Variants in XPC observed in about 807,000 individuals in gnomAD.
XPC encodes the protein XPC complex subunit, DNA damage recognition and repair factor.
Under a neutral mutation model 95.8 loss-of-function variants are expected in XPC, and 76 were observed. The observed-to-expected ratio is 0.79, with a 90% CI of 0.66 to 0.96. The LOEUF is 0.96. Ranked by LOEUF, XPC falls within the 40% of genes least tolerant of loss-of-function variation. XPC has a pLI of 0.00. For synonymous variants in XPC, 442 were observed against 442.1 expected, an observed-to-expected ratio of 1.00 and a Z score of 0.00; for missense variants, 1,146 against 1,179.8, an observed-to-expected ratio of 0.97 and a Z score of 0.42.
intron 7 of XPC, among the ~76,000 whole-genome samples, chr3:14,161,451 TG>T (rs1448153769): frequency 6.6e-6 from 1 of 151,322 alleles, no homozygotes; most frequent in Non-Finnish European, 1.5e-5. Context: ...ATTGAACATA[TG>T]AAAAGGCTTA....
chr3:14,147,397 G>A lies in XPC; in HGVS notation c.2515-18C>T. 6.3e-7 allele frequency: 1 copy of A among 1,591,862 alleles called. No homozygotes were observed. The highest frequency in any genetic ancestry group is 8.6e-7 in the Non-Finnish European group (1 of 1,168,978). On this transcript the variant is annotated intron_variant, in intron 14 of 15. Coordinates refer to ENST00000285021, the MANE Select transcript of XPC (RefSeq NM_004628.5). ...TCCTTTTTCTGCAGGCAAAAATGAA[G>A]TGGGAGAAAAGTGTTAAGCACTGAC...
rs1696675526 is a variant in XPC, at chr3:14,173,018, T to C, written c.148A>G (p.Lys50Glu). The C allele has an allele frequency of 1.2e-6, 2 of 1,609,226 alleles. No individual in the cohort carries two copies. The highest frequency in any genetic ancestry group is 1.7e-6 in the Non-Finnish European group (2 of 1,177,916). Residue 50 changes from lysine to glutamate, a missense_variant, in exon 2 of 16, where the codon AAA becomes GAA. Transcript: ENST00000285021. ...EKPPKKSLLS[K>E]VSQGKRKRGC... The stretch of plus-strand genomic sequence containing the variant: ...CTTTTCCTCTTTCCTTGTGAAACTT[T>C]GGAGAGAAGGCTCTTCTTTGGGGGT...
intron 7 of XPC, among the ~76,000 whole-genome samples, chr3:14,163,461 A>C (rs1031973116): frequency 6.6e-6 from 1 of 152,232 alleles, no homozygotes; most frequent in African/African-American, 2.4e-5. Flanking sequence ...ATGCAGATGA[A>C]TCTTGAAAAC....
intron 3 of XPC, among the ~76,000 whole-genome samples, chr3:14,168,642 T>C: frequency 6.6e-6 from 1 of 151,900 alleles, no homozygotes; most frequent in Admixed American, 6.6e-5. Context: ...ATAGAGATAC[T>C]GGGTTGAATC....
At position 14,175,302 on chromosome 3, in the gene XPC, C is replaced by A. The variant is rs368755503; in HGVS notation, c.104-2240G>T. ...AAAGGCCTTCCCTGACACTGATTCC[C>A]ATTTAGCTGCCTCTCCCCCAGCCCC... On this transcript the variant is annotated intron_variant, in intron 1 of 15. Coordinates refer to ENST00000285021, the MANE Select transcript of XPC (RefSeq NM_004628.5). Among the ~76,000 whole-genome samples, 5 of 152,156 alleles carry A rather than the reference C, an allele frequency of 3.3e-5. 1 individual carries two copies. In the East Asian group the frequency reaches 5.8e-4, roughly 18 times the overall value.
Position 14,146,038 on chromosome 3 carries a change from T to C in XPC, c.2726A>G (p.Glu909Gly), listed in dbSNP as rs749460684. The C allele has an allele frequency of 2.5e-6, 4 of 1,612,702 alleles. No individual in the cohort carries two copies. The highest frequency in any genetic ancestry group is 3.4e-6 in the Non-Finnish European group (4 of 1,179,398). Residue 909 changes from glutamate (E) to glycine (G), a missense_variant, in exon 16 of 16, where the codon GAA becomes GGA. Transcript: ENST00000285021. ...ILAASWPQNR[E>G]DEEKQKLKGG... ...CTTCAGCTTCTGCTTTTCTTCATCT[T>C]CTCGGTTTTGAGGCCAGGAGGCAGC...
chr3:14,152,488 AGC>A (rs1347856350), intron 10 of XPC, 72 bp from the exon 11 acceptor site: 1 of 1,433,532 alleles, frequency 7.0e-7, no homozygotes, highest in African/African-American at 1.4e-5. Flanking sequence ...GACAGTGGAG[AGC>A]GCAGCCCTGC....
chr3:14,174,805 T>A (rs1244066514), intron 1 of XPC, among the ~76,000 whole-genome samples: 1 of 152,180 alleles, frequency 6.6e-6, no homozygotes, highest in African/African-American at 2.4e-5. Context: ...AGACCACTAT[T>A]TCATGGTGGC....
At chr3:14,163,050 C>A (rs1192574086) in intron 7 of XPC, among the ~76,000 whole-genome samples, 2 of 152,176 alleles carry the variant, frequency 1.3e-5, no homozygotes, top group East Asian at 3.8e-4. Context: ...GCTATCAAAA[C>A]CACAATGAGG....
rs1267285449 is a variant in XPC, at chr3:14,158,940, C to G, written c.991-48G>C. ...GCTTTTTTTTCTCCCCCCTCTTTTG[C>G]TAATGATATGATAGAAATCCTGTAA... On this transcript the variant is annotated intron_variant, in intron 8 of 15. Coordinates refer to ENST00000285021, the MANE Select transcript of XPC (RefSeq NM_004628.5). The surrounding 1 kb of genome is among the most constrained non-coding windows in gnomAD (Gnocchi z 5.2). 1 of 1,609,214 alleles carries G rather than the reference C, an allele frequency of 6.2e-7. No homozygotes were observed. The highest frequency in any genetic ancestry group is 2.2e-5 in the East Asian group (1 of 44,856).
Position 14,145,893 on chromosome 3 carries a change from T to C in XPC, c.*48A>G. 1 of 1,578,772 alleles carries C rather than the reference T, an allele frequency of 6.3e-7. No individual in the cohort carries two copies. The highest frequency in any genetic ancestry group is 1.1e-5 in the South Asian group (1 of 87,648). On this transcript the variant is annotated 3_prime_UTR_variant, in exon 16 of 16. Coordinates refer to ENST00000285021, the MANE Select transcript of XPC (RefSeq NM_004628.5). ...ATGCCCAGGGCAGGTGTGGGGCCTGTAGTGGGGCAGCAGCAACTGGTGGGT... is the reference window on the plus strand; with the variant it reads ...ATGCCCAGGGCAGGTGTGGGGCCTGCAGTGGGGCAGCAGCAACTGGTGGGT...
At chr3:14,159,866 A>T in intron 7 of XPC, 36 bp from the exon 8 acceptor site, 1 of 1,530,060 alleles carries the variant, frequency 6.5e-7, no homozygotes, top group Admixed American at 2.0e-5. Flanking sequence ...TATCCTAAGA[A>T]AGTAATTAAA....
Position 14,159,847 on chromosome 3 carries a change from G to A in XPC, c.901-17C>T. 1.3e-6 allele frequency: 2 copies of A among 1,545,640 alleles called. No individual in the cohort carries two copies. Among genetic ancestry groups the A allele is most frequent in the Non-Finnish European group, 8.8e-7 (1 of 1,141,320 alleles). On this transcript the variant is annotated splice_polypyrimidine_tract_variant and intron_variant, in intron 7 of 15. Coordinates refer to ENST00000285021, the MANE Select transcript of XPC (RefSeq NM_004628.5). ...TAAGAATATCTATGATGAAAAGGAAGAACATAGTTATCCTAAGAAAGTAAT... is the reference window on the plus strand; with the variant it reads ...TAAGAATATCTATGATGAAAAGGAAAAACATAGTTATCCTAAGAAAGTAAT...
In XPC at chr3:14,145,321, G is replaced by GA; in HGVS notation, c.*619_*620insT. ...TTTTTCCTTTTCTTTCCTGATTTTA[G>GA]CTTTTTTTAGGCTTCTGTCACCACA... On this transcript the variant is annotated 3_prime_UTR_variant, in exon 16 of 16. Transcript: ENST00000285021. 1.4e-6 allele frequency: 1 copy of GA among 697,088 alleles called. No individual in the cohort carries two copies. The highest frequency in any genetic ancestry group is 2.6e-6 in the Non-Finnish European group (1 of 383,810). The allele number at this position is 697,088 out of a possible 1,614,324, so 43.2% of individuals were successfully genotyped here.
intron 10 of XPC, among the ~76,000 whole-genome samples, chr3:14,153,723 G>A (rs978180144): frequency 1.2e-4 from 19 of 152,218 alleles, no homozygotes; most frequent in Non-Finnish European, 2.8e-4. Context: ...CTTCCAATGG[G>A]TTTATGGGGA....
At chr3:14,170,068 A>G (rs984169882) in intron 3 of XPC, among the ~76,000 whole-genome samples, 4 of 152,274 alleles carry the variant, frequency 2.6e-5, no homozygotes, top group Non-Finnish European at 4.4e-5. Flanking sequence ...AACTCAGTTC[A>G]GAGAGGTGAA....
Position 14,158,672 on chromosome 3 carries a change from C to T in XPC, c.1211G>A (p.Gly404Asp), listed in dbSNP as rs943619635. The T allele has an allele frequency of 1.2e-6, 2 of 1,613,784 alleles. No individual in the cohort carries two copies. Among genetic ancestry groups the T allele is most frequent in the East Asian group, 2.2e-5 (1 of 44,840 alleles). The change falls in exon 9 of 16, where the codon GGC becomes GAC. Residue 404 changes from glycine to aspartate, a missense_variant. By Grantham distance (94) the Gly-to-Asp change is moderately conservative (BLOSUM62 -1). Transcript: ENST00000285021. The surrounding 1 kb of genome is among the most constrained non-coding windows in gnomAD (Gnocchi z 5.2). Reference protein sequence around the residue: ...SKPSSSEEDEGPGDKQEKATQ... With the variant: ...SKPSSSEEDEDPGDKQEKATQ... ...TGCCTTCTCCTGCTTGTCTCCTGGG[C>T]CCTCATCTTCCTCGCTGGAGGAGGG... is the stretch of plus-strand genomic sequence containing the variant.
rs929164910 is a variant in XPC, at chr3:14,147,508, C to A, written c.2515-129G>T. On this transcript the variant is annotated intron_variant, in intron 14 of 15. Transcript: ENST00000285021. ...TTAGAATATAGCCTCTCCTTCACAC[C>A]AAGTCTCACTTCCAAAAAATTGATC... 6.8e-5 allele frequency: 61 copies of A among 894,396 alleles called. No individual in the cohort carries two copies. The African/African-American group carries it at 9.0e-4, about 13-fold the overall frequency. 55.4% of individuals were successfully genotyped at this position (894,396 alleles called of 1,614,324 possible).
chr3:14,157,643 C>T (rs972430366), intron 9 of XPC, among the ~76,000 whole-genome samples: 8 of 152,254 alleles, frequency 5.3e-5, no homozygotes, highest in Admixed American at 2.0e-4. Flanking sequence ...TTTACATTCA[C>T]GCATGATGGG....
Sources: allele counts gnomAD v4.1 joint callset (sites outside exome capture counted in the v4.1 genomes callset), GRCh38; gene constraint gnomAD v4.1.1; non-coding constraint Gnocchi (gnomAD v3.1); transcripts MANE v1.5; gene names NCBI Gene and HGNC (gene_info 2026-07-23, HGNC 2026-07-21).